Variants in ASH1L observed in about 807,000 individuals in gnomAD.
ASH1L encodes histone-lysine N-methyltransferase ASH1L.
In ASH1L, 23 loss-of-function variants were observed where a neutral mutation model predicts 269.0. That is an observed-to-expected ratio of 0.09 (90% confidence interval 0.06 to 0.12). The LOEUF is 0.12. Among genes scored for constraint, ASH1L ranks in the 10% least tolerant of loss-of-function variants. ASH1L has a pLI of 1.00. For missense variants in ASH1L, 2,912 were observed against 3,567.8 expected (o/e 0.82, Z 4.68); for synonymous variants, 1,187 against 1,253.5 (o/e 0.95, Z 1.12).
rs148356382 is a variant in ASH1L at position 155,347,876 on chromosome 1, C to G, written c.7583G>C (p.Gly2528Ala). The G allele has an allele frequency of 1.9e-6, 3 of 1,614,184 alleles. No individual in the cohort carries two copies. The highest frequency in any genetic ancestry group is 2.5e-6 in the Non-Finnish European group (3 of 1,180,036). The change falls in exon 20 of 28, where the codon GGG becomes GCG. Residue 2528 changes from glycine (G) to alanine (A), a missense_variant. Physicochemically the swap from Gly to Ala is moderately conservative, Grantham distance 60. Around this residue, in one of 13 missense-constraint regions of ASH1L, gnomAD observed 309 missense variants for 435.1 expected, o/e 0.71. Coordinates refer to ENST00000392403, the MANE Select transcript of ASH1L (RefSeq NM_018489.3). ...EKYYGRKSPV[G>A]RDVCRLRKAY... is the part of the protein sequence containing the mutation. Reference sequence around the variant, plus strand: ...CTTTCGTAGACGACAAACATCTCTCCCAACTGGGGATTTACGCCCATAGTA... The same window carrying G: ...CTTTCGTAGACGACAAACATCTCTCGCAACTGGGGATTTACGCCCATAGTA...
intron 1 of ASH1L, among the ~76,000 whole-genome samples, chr1:155,546,339 A>C (rs986872534): frequency 6.6e-6 from 1 of 152,220 alleles, no homozygotes; most frequent in Admixed American, 6.5e-5. Flanking sequence ...TCAAAAAAAA[A>C]AAAAGAAATT....
At chr1:155,498,284 TAA>T in intron 2 of ASH1L, among the ~76,000 whole-genome samples, 1 of 150,734 alleles carries the variant, frequency 6.6e-6, no homozygotes, top group Admixed American at 6.6e-5. Flanking sequence ...TGCAGAAGAT[TAA>T]AAAAAAACTG....
chr1:155,480,685 G>A lies in ASH1L; in HGVS notation c.2185C>T (p.Arg729Trp). Residue 729 changes from arginine to tryptophan, a missense_variant, in exon 3 of 28, where the codon CGG becomes TGG. Coordinates refer to ENST00000392403, the MANE Select transcript of ASH1L (RefSeq NM_018489.3). Reference protein sequence around the residue: ...WTKVVARSTCRSPKGLELERS... With the variant: ...WTKVVARSTCWSPKGLELERS... ...TCTAATTCTAGCCCTTTTGGAGACC[G>A]GCATGTGCTTCTTGCCACCACTTTA... The A allele has an allele frequency of 3.1e-6, 5 of 1,613,500 alleles. No homozygotes were observed. The highest frequency in any genetic ancestry group is 4.2e-6 in the Non-Finnish European group (5 of 1,179,910).
intron 6 of ASH1L, among the ~76,000 whole-genome samples, chr1:155,412,163 A>G (rs1052297247): frequency 1.3e-5 from 2 of 150,610 alleles, no homozygotes; most frequent in Non-Finnish European, 3.0e-5. Context: ...AACTGCTTGA[A>G]CCCAGGAGGT....
chr1:155,344,091 A>G (rs1446336123), intron 22 of ASH1L, 92 bp downstream of exon 22: 3 of 1,134,986 alleles, frequency 2.6e-6, no homozygotes, highest in South Asian at 1.3e-5. Flanking sequence ...TCGAGGCCGT[A>G]TGGAGACAAT....
chr1:155,428,587 G>C (rs1318316909), intron 5 of ASH1L, among the ~76,000 whole-genome samples: 2 of 152,096 alleles, frequency 1.3e-5, no homozygotes, highest in Non-Finnish European at 2.9e-5. Flanking sequence ...GAAGGCTGTG[G>C]GTTTACCAGA....
intron 1 of ASH1L, among the ~76,000 whole-genome samples, chr1:155,560,773 C>T (rs1224952226): frequency 1.3e-5 from 2 of 152,316 alleles, no homozygotes; most frequent in East Asian, 3.9e-4. Context: ...GCTGTGAAAG[C>T]CTTCTCTCCC....
chr1:155,350,648 T>C (rs1653813249), intron 17 of ASH1L, among the ~76,000 whole-genome samples: 2 of 151,936 alleles, frequency 1.3e-5, no homozygotes, highest in African/African-American at 2.4e-5. Context: ...TGGGAATGGG[T>C]GCGGTGGCTC....
intron 1 of ASH1L, 175 bp downstream of exon 1, chr1:155,561,978 G>C: frequency 1.8e-6 from 1 of 556,458 alleles, no homozygotes; most frequent in East Asian, 3.2e-5. Flanking sequence ...CACCCCGCCT[G>C]GAGGGACTTC....
At position 155,352,757 on chromosome 1, in the gene ASH1L, G is replaced by A. The variant is rs766745788; in HGVS notation, c.7315C>T (p.Arg2439Cys). 5.0e-6 allele frequency: 8 copies of A among 1,613,830 alleles called. No homozygotes were observed. The highest frequency in any genetic ancestry group is 3.3e-5 in the South Asian group (3 of 91,060). The change falls in exon 17 of 28, where the codon CGC (arginine) becomes TGC (cysteine). Residue 2439 changes from arginine to cysteine, a missense_variant. Arg to Cys is a radical substitution (Grantham distance 180). Coordinates refer to ENST00000392403, the MANE Select transcript of ASH1L (RefSeq NM_018489.3). ...ATTTCTTTGAAGATCTGGGCTAGGC[G>A]GGCTGCCCGAGCCACTTCAATATTT... is the stretch of plus-strand genomic sequence containing the variant. ...EENIEVARAA[R>C]LAQIFKEICD...
intron 12 of ASH1L, among the ~76,000 whole-genome samples, chr1:155,368,881 C>T (rs1307816320): frequency 6.6e-6 from 1 of 152,152 alleles, no homozygotes; most frequent in Non-Finnish European, 1.5e-5. Context: ...AAGTAACAAA[C>T]CACTAATGCA....
At chr1:155,418,567 CA>C (rs1660401452) in intron 5 of ASH1L, among the ~76,000 whole-genome samples, 1 of 151,878 alleles carries the variant, frequency 6.6e-6, no homozygotes, top group Non-Finnish European at 1.5e-5. Flanking sequence ...AGGAAAACAA[CA>C]AAAACCAGAT....
chr1:155,411,228 A>AAT (rs1157052206), intron 6 of ASH1L, among the ~76,000 whole-genome samples: 1 of 152,184 alleles, frequency 6.6e-6, no homozygotes, highest in Non-Finnish European at 1.5e-5. Flanking sequence ...GCCAGCCCAC[A>AAT]ATAATATCCT....
At chr1:155,448,665 T>C (rs111662081) in intron 4 of ASH1L, among the ~76,000 whole-genome samples, 281 of 152,194 alleles carry the variant, frequency 1.8e-3, no homozygotes, top group African/African-American at 6.6e-3. Context: ...CAGCTAATTT[T>C]TGTATTTTTT....
chr1:155,500,576 A>C (rs1456946448), intron 2 of ASH1L, among the ~76,000 whole-genome samples: 1 of 152,190 alleles, frequency 6.6e-6, no homozygotes, highest in Non-Finnish European at 1.5e-5. Context: ...AGGAAAAAAA[A>C]AAGCACTCTG....
At chr1:155,545,277 G>T (rs1199162698) in intron 1 of ASH1L, among the ~76,000 whole-genome samples, 2 of 147,810 alleles carry the variant, frequency 1.4e-5, no homozygotes, top group African/African-American at 5.0e-5. Context: ...ATGGTAAATG[G>T]GCACTAGTGG....
intron 20 of ASH1L, among the ~76,000 whole-genome samples, chr1:155,346,806 CA>C (rs1366758653): frequency 2.0e-5 from 3 of 152,160 alleles, no homozygotes; most frequent in African/African-American, 4.8e-5. Flanking sequence ...AATACAGCTA[CA>C]AAATGTTTTA....
In ASH1L at chr1:155,438,946, C is replaced by T; in HGVS notation, c.5209G>A (p.Val1737Met). ...GGTGGTGCAGAGGCAGTTGCAATCA[C>T]AGCATCAATACTTTTCTCCATGGGC... ...QEPMEKSIDAVIATASAPPSS... is the reference protein window; with the variant it reads ...QEPMEKSIDAMIATASAPPSS... Residue 1737 changes from valine to methionine, a missense_variant, in exon 5 of 28, where the codon GTG becomes ATG. Around this residue, in one of 13 missense-constraint regions of ASH1L, gnomAD observed 789 missense variants for 897.6 expected, o/e 0.88. Coordinates refer to ENST00000392403, the MANE Select transcript of ASH1L (RefSeq NM_018489.3). 1.2e-6 allele frequency: 2 copies of T among 1,614,152 alleles called. No individual in the cohort carries two copies. Among genetic ancestry groups the T allele is most frequent in the Non-Finnish European group, 1.7e-6 (2 of 1,180,038 alleles).
intron 1 of ASH1L, among the ~76,000 whole-genome samples, chr1:155,551,904 A>T (rs1375307616): frequency 6.6e-6 from 1 of 151,286 alleles, no homozygotes; most frequent in Non-Finnish European, 1.5e-5. Context: ...TGAACCTGGG[A>T]GGCAGAGATT....
Sources: gnomAD v4.1 joint callset for allele counts (sites outside exome capture counted in the v4.1 genomes callset) on GRCh38, gnomAD v4.1.1 for gene constraint, gnomAD v4.1.1 regional missense constraint, MANE v1.5 for transcripts, NCBI Gene and HGNC (gene_info 2026-07-23, HGNC 2026-07-21) for gene names.